KIR3DL1: variants seen among roughly 807,000 people sequenced by gnomAD.
The protein encoded by KIR3DL1 is killer cell immunoglobulin like receptor, three Ig domains and long cytoplasmic tail 1, also known as killer cell immunoglobulin-like receptor 3DL1.
A neutral mutation model predicts 40.3 loss-of-function variants in KIR3DL1; 50 were observed. The observed-to-expected ratio is 1.24, with a 90% CI of 0.99 to 1.57. KIR3DL1 has a LOEUF of 1.57. Among genes scored for constraint, KIR3DL1 ranks in the 40% most tolerant of loss-of-function variants. The pLI, the probability that KIR3DL1 is intolerant of heterozygous loss-of-function variation, is 0.00. For missense variants in KIR3DL1, 661 were observed against 559.9 expected (o/e 1.18, Z -1.82); for synonymous variants, 257 against 207.2 (o/e 1.24, Z -2.07).
At chr19:54,817,659 ATACACT>A in intron 2 of KIR3DL1, 90 bp downstream of exon 2, 1 of 1,062,880 alleles carries the variant, frequency 9.4e-7, no homozygotes. Flanking sequence ...GGAGTCTCTC[ATACACT>A]AGGAAGAGGG....
At chr19:54,821,570 T>C in exon 5 of KIR3DL1, 1 of 1,605,472 alleles carries the variant, frequency 6.2e-7, no homozygotes, top group Non-Finnish European at 8.5e-7. Flanking sequence ...TCCAGGTCCA[T>C]ATGAGAAACC....
chr19:54,819,951 T>G, exon 4 of KIR3DL1: 1 of 1,611,974 alleles, frequency 6.2e-7, no homozygotes, highest in South Asian at 1.1e-5. Context: ...GCTACGGTTC[T>G]GTTACTCACA....
intron 1 of KIR3DL1, among the ~76,000 whole-genome samples, chr19:54,816,789 A>C (rs1399892245): frequency 9.2e-5 from 8 of 87,408 alleles, no homozygotes; most frequent in African/African-American, 4.4e-4. Flanking sequence ...CCTGGGGTGG[A>C]GAGATGGGCC....
At position 54,827,653 on chromosome 19, in the gene KIR3DL1, A is replaced by G. The variant is rs1485463185; in HGVS notation, c.1001-1708A>G. On this transcript the variant is annotated intron_variant, in intron 6 of 8. Transcript: ENST00000391728. ...AAGAAATGCATAAATATAATAAAAC[A>G]CACACGAATGACAAAGGCACCTGAA... is the stretch of plus-strand genomic sequence containing the variant. 2.0e-5 allele frequency among the ~76,000 whole-genome samples: 3 copies of G among 149,864 alleles called. No individual in the cohort carries two copies. In the East Asian group the frequency reaches 5.8e-4, roughly 29 times the overall value.
intron 1 of KIR3DL1, 55 bp downstream of exon 1, chr19:54,816,589 G>C: frequency 1.4e-6 from 2 of 1,456,266 alleles, no homozygotes; most frequent in Non-Finnish European, 1.9e-6. Flanking sequence ...ATCTGGACCT[G>C]GAGGTAAAGA....
intron 5 of KIR3DL1, 125 bp downstream of exon 5, chr19:54,821,983 A>T: frequency 8.3e-7 from 1 of 1,207,636 alleles, no homozygotes; most frequent in Non-Finnish European, 1.2e-6. Context: ...GTGAGGGCGG[A>T]GTCAGGGCGC....
intron 6 of KIR3DL1, among the ~76,000 whole-genome samples, chr19:54,826,059 T>C (rs1161162187): frequency 6.0e-5 from 9 of 151,120 alleles, no homozygotes; most frequent in African/African-American, 2.2e-4. Flanking sequence ...CAACCGTAAT[T>C]CCATCTGCAA....
chr19:54,818,621 C>T, intron 3 of KIR3DL1, 22 bp downstream of exon 3: 7 of 1,598,888 alleles, frequency 4.4e-6, no homozygotes, highest in Non-Finnish European at 5.9e-6. Context: ...TCCGTCTGGG[C>T]TTCTCACTGT....
intron 1 of KIR3DL1, 74 bp from the exon 2 acceptor site, chr19:54,817,460 C>A: frequency 8.0e-7 from 1 of 1,257,810 alleles, no homozygotes; most frequent in Non-Finnish European, 1.1e-6. Context: ...TGCCAAGACG[C>A]ACAGCCCAGT....
chr19:54,820,056 A>G, intron 4 of KIR3DL1, 44 bp downstream of exon 4: 1 of 1,586,318 alleles, frequency 6.3e-7, no homozygotes, highest in Non-Finnish European at 8.6e-7. Flanking sequence ...TGGGACACAG[A>G]GTGAATGATC....
At chr19:54,829,619 T>G (rs2062108447) in intron 7 of KIR3DL1, among the ~76,000 whole-genome samples, 154 bp downstream of exon 7, 1 of 142,848 alleles carries the variant, frequency 7.0e-6, no homozygotes, top group African/African-American at 2.5e-5. Context: ...CCAGACTCCC[T>G]GCCCCTGCCT....
At position 54,818,440 on chromosome 19, in the gene KIR3DL1, A is replaced by T. The variant is rs2061462358; in HGVS notation, c.196A>T (p.Ile66Phe). 1 of 1,607,244 alleles carries T rather than the reference A, an allele frequency of 6.2e-7. No individual in the cohort carries two copies. The highest frequency in any genetic ancestry group is 1.4e-5 in the African/African-American group (1 of 72,686). ...TTTCATGCTATACAAAGAAGACAGA[A>T]TCCACATTCCCATCTTCCATGGCAG... is the stretch of plus-strand genomic sequence containing the variant. The change falls in exon 3 of 9, where the codon ATC (isoleucine) becomes TTC (phenylalanine). Residue 66 changes from isoleucine (I) to phenylalanine (F), a missense_variant. Coordinates refer to ENST00000391728, the Ensembl canonical transcript of KIR3DL1.
chr19:54,823,117 C>T (rs555592289), intron 5 of KIR3DL1, among the ~76,000 whole-genome samples: 1 of 150,906 alleles, frequency 6.6e-6, no homozygotes, highest in South Asian at 2.1e-4. Context: ...TCATTGCAAC[C>T]TGTGCCTCCT....
At chr19:54,830,670 T>G (rs550301960) in exon 9 of KIR3DL1, 2 of 225,708 alleles carry the variant, frequency 8.9e-6, no homozygotes, top group African/African-American at 4.9e-5. Context: ...TCATGCTGTT[T>G]CACCTTTCTT....
chr19:54,829,240 A>C, intron 6 of KIR3DL1, 121 bp from the exon 7 acceptor site: 1 of 834,606 alleles, frequency 1.2e-6, no homozygotes, highest in South Asian at 1.6e-5. Context: ...ATCTCCCGCC[A>C]TCTGGGTGCT....
At chr19:54,822,483 C>G (rs2061688650) in intron 5 of KIR3DL1, among the ~76,000 whole-genome samples, 1 of 150,302 alleles carries the variant, frequency 6.7e-6, no homozygotes, top group Non-Finnish European at 1.5e-5. Flanking sequence ...GAAAAATTAG[C>G]CGAGCATGCT....
chr19:54,819,633 G>A (rs2061528728), intron 3 of KIR3DL1, 80 bp from the exon 4 acceptor site: 3 of 1,489,156 alleles, frequency 2.0e-6, no homozygotes, highest in South Asian at 1.2e-5. Flanking sequence ...ACACGGGGAG[G>A]GGAACCCTCA....
chr19:54,830,020 C>G, intron 8 of KIR3DL1, 40 bp downstream of exon 8: 1 of 1,523,612 alleles, frequency 6.6e-7, no homozygotes. Flanking sequence ...TAGTGTTATT[C>G]CCAAACAGTC....
At chr19:54,817,561 C>T in exon 2 of KIR3DL1, 1 of 1,512,190 alleles carries the variant, frequency 6.6e-7, no homozygotes, top group Non-Finnish European at 9.0e-7. Flanking sequence ...AGGGCCGGTC[C>T]ACACATGGGT....
Sources: gnomAD v4.1 joint callset for allele counts (sites outside exome capture counted in the v4.1 genomes callset) on GRCh38, gnomAD v4.1.1 for gene constraint, MANE v1.5 for transcripts, NCBI Gene and HGNC (gene_info 2026-07-23, HGNC 2026-07-21) for gene names.